The following WWOX variants were observed in gnomAD, a reference collection of about 807,000 sequenced individuals.
WWOX encodes the protein WW domain containing oxidoreductase.
WWOX carries 69 observed loss-of-function variants against 46.2 expected under a neutral mutation model. That is an observed-to-expected ratio of 1.49 (90% confidence interval 1.23 to 1.82). The LOEUF (loss-of-function observed/expected upper bound fraction) is 1.82. Among genes scored for constraint, WWOX ranks in the 40% most tolerant of loss-of-function variants. The pLI is 0.00. For missense variants in WWOX, 919 were observed against 542.6 expected (o/e 1.69, Z -6.89); for synonymous variants, 359 against 202.6 (o/e 1.77, Z -6.56).
At chr16:79,031,785 A>G (rs2656644) in intron 8 of WWOX, among the ~76,000 whole-genome samples, 23,913 of 144,690 alleles carry the variant, frequency 0.17, 2,426 homozygotes, top group African/African-American at 0.28. Flanking sequence ...AGAAAGATAT[A>G]TAATCTATAT....
chr16:78,599,446 T>A lies in WWOX; in HGVS notation c.1056+166694T>A, dbSNP rs116232486. Among the ~76,000 whole-genome samples the A allele has an allele frequency of 7.4e-3, 1,127 of 152,280 alleles. 12 individuals are homozygous for A. Among genetic ancestry groups the A allele is most frequent in the African/African-American group, 0.025 (1,059 of 41,558 alleles). The stretch of plus-strand genomic sequence containing the variant: ...TAAGGCTGTGGCCATGGCTGGGGAA[T>A]TGGCCTGTCAGTTCAATCAGGCAGC... On this transcript the variant is annotated intron_variant, in intron 8 of 8. Coordinates refer to ENST00000566780, the MANE Select transcript of WWOX (RefSeq NM_016373.4).
intron 8 of WWOX, among the ~76,000 whole-genome samples, chr16:78,487,730 C>G (rs1423653131): frequency 6.6e-6 from 1 of 152,102 alleles, no homozygotes; most frequent in African/African-American, 2.4e-5. Context: ...AAATGTCTGG[C>G]CTTCTGGGGA....
chr16:78,204,544 C>G (rs2036332767), intron 5 of WWOX, among the ~76,000 whole-genome samples: 1 of 152,092 alleles, frequency 6.6e-6, no homozygotes, highest in African/African-American at 2.4e-5. Context: ...CCATCCCCAC[C>G]TCCTCATCAA....
intron 8 of WWOX, among the ~76,000 whole-genome samples, chr16:79,007,743 G>C (rs1337264557): frequency 1.3e-5 from 2 of 152,184 alleles, no homozygotes; most frequent in African/African-American, 4.8e-5. Context: ...GCAAAACCAG[G>C]ATGTGAATGG....
chr16:79,155,929 T>A (rs2150740548), intron 8 of WWOX, among the ~76,000 whole-genome samples: 1 of 152,178 alleles, frequency 6.6e-6, no homozygotes, highest in East Asian at 1.9e-4. Context: ...GTCTCTCTGT[T>A]GATTTCTAAA....
intron 5 of WWOX, among the ~76,000 whole-genome samples, chr16:78,342,080 C>T (rs1441327485): frequency 8.2e-6 from 1 of 121,214 alleles, no homozygotes; most frequent in African/African-American, 2.8e-5. Context: ...TGTGCCACTG[C>T]ACTCTAATTT....
intron 8 of WWOX, among the ~76,000 whole-genome samples, chr16:78,772,771 C>A (rs112709338): frequency 2.0e-5 from 3 of 152,110 alleles, no homozygotes; most frequent in Non-Finnish European, 2.9e-5. Flanking sequence ...GTAATCTCAG[C>A]GCTTTGTGGG....
chr16:78,522,866 G>A (rs1882270703), intron 8 of WWOX, among the ~76,000 whole-genome samples: 2 of 152,194 alleles, frequency 1.3e-5, no homozygotes, highest in South Asian at 2.1e-4. Context: ...GAGGTCAGGA[G>A]TTTGAGACCA....
chr16:78,972,178 C>G (rs2046484034), intron 8 of WWOX, among the ~76,000 whole-genome samples: 1 of 152,154 alleles, frequency 6.6e-6, no homozygotes, highest in South Asian at 2.1e-4. Flanking sequence ...CCAGATGAAA[C>G]TGGGCTCCCT....
rs1468862025 is a variant in WWOX, at chr16:78,722,990, C to G, written c.1056+290238C>G. ...CCAGGAGTTAGAGGCTGCAGTGAGCCATGATCACACTGGAGCACTCCAGCC... is the reference window on the plus strand; with the variant it reads ...CCAGGAGTTAGAGGCTGCAGTGAGCGATGATCACACTGGAGCACTCCAGCC... On this transcript the variant is annotated intron_variant, in intron 8 of 8. Transcript: ENST00000566780. Among the ~76,000 whole-genome samples the G allele has an allele frequency of 2.0e-5, 3 of 151,988 alleles. 1 individual carries two copies. The highest frequency in any genetic ancestry group is 4.4e-5 in the Non-Finnish European group (3 of 68,000).
intron 8 of WWOX, among the ~76,000 whole-genome samples, chr16:78,450,717 A>G (rs758970922): frequency 2.6e-5 from 4 of 152,166 alleles, no homozygotes; most frequent in Non-Finnish European, 5.9e-5. Flanking sequence ...TGTGTGTGCT[A>G]TGTGTATGAT....
At chr16:78,516,578 G>T (rs902398354) in intron 8 of WWOX, among the ~76,000 whole-genome samples, 1 of 151,952 alleles carries the variant, frequency 6.6e-6, no homozygotes, top group Non-Finnish European at 1.5e-5. Context: ...TGCATACTTG[G>T]CCTGTTTCTA....
chr16:78,585,167 A>T (rs2045164735), intron 8 of WWOX, among the ~76,000 whole-genome samples: 1 of 152,192 alleles, frequency 6.6e-6, no homozygotes, highest in African/African-American at 2.4e-5. Context: ...TGTGGTTCTG[A>T]CCACCCCCGG....
chr16:78,541,225 A>T (rs2043884640), intron 8 of WWOX, among the ~76,000 whole-genome samples: 1 of 152,028 alleles, frequency 6.6e-6, no homozygotes. Context: ...CTGTAATCCC[A>T]GCACTCTGGG....
chr16:79,134,048 A>G (rs1424110), intron 8 of WWOX, among the ~76,000 whole-genome samples: 38,340 of 151,954 alleles, frequency 0.25, 5,207 homozygotes, highest in East Asian at 0.38. Context: ...TCTTCCTGCT[A>G]TGGCCATAGA....
intron 8 of WWOX, among the ~76,000 whole-genome samples, chr16:78,756,641 T>G (rs1425138796): frequency 6.6e-6 from 1 of 152,158 alleles, no homozygotes; most frequent in Non-Finnish European, 1.5e-5. Flanking sequence ...ATTCTAGCAT[T>G]TTTACACTCC....
chr16:78,239,397 G>C (rs189168760), intron 5 of WWOX, among the ~76,000 whole-genome samples: 170 of 152,296 alleles, frequency 1.1e-3, no homozygotes, highest in Non-Finnish European at 2.2e-3. Context: ...CCCTGATGGA[G>C]AACTGGGTCC....
intron 8 of WWOX, among the ~76,000 whole-genome samples, chr16:78,508,063 A>G (rs1255169976): frequency 1.3e-5 from 2 of 150,974 alleles, no homozygotes; most frequent in Non-Finnish European, 2.9e-5. Flanking sequence ...GCTGGAGTGT[A>G]GTGGCATGAT....
intron 8 of WWOX, among the ~76,000 whole-genome samples, chr16:78,922,984 C>CTTTTTTTCTTT (rs1555569184): frequency 3.0e-4 from 42 of 141,512 alleles, no homozygotes; most frequent in African/African-American, 8.4e-4. Context: ...TTTCTCTTTT[C>CTTTTTTTCTTT]TTTTTTTTTT....
Sources: allele counts gnomAD v4.1 joint callset (sites outside exome capture counted in the v4.1 genomes callset), GRCh38; gene constraint gnomAD v4.1.1; transcripts MANE v1.5; gene names NCBI Gene and HGNC (gene_info 2026-07-23, HGNC 2026-07-21).